STXBP4: variants seen among roughly 807,000 people sequenced by gnomAD.
STXBP4 encodes syntaxin-binding protein 4.
STXBP4 carries 55 observed loss-of-function variants against 76.1 expected under a neutral mutation model. The observed-to-expected ratio is 0.72, with a 90% CI of 0.58 to 0.91. The LOEUF is 0.91. Among genes scored for constraint, STXBP4 ranks in the 40% least tolerant of loss-of-function variants. The pLI, the probability that STXBP4 is intolerant of heterozygous loss-of-function variation, is 0.00. For synonymous variants in STXBP4, 201 were observed against 220.2 expected, an observed-to-expected ratio of 0.91 and a Z score of 0.77; for missense variants, 618 against 636.9, an observed-to-expected ratio of 0.97 and a Z score of 0.32.
intron 1 of STXBP4, among the ~76,000 whole-genome samples, chr17:54,978,056 C>T (rs1239556628): frequency 2.0e-5 from 3 of 152,110 alleles, no homozygotes; most frequent in Non-Finnish European, 4.4e-5. Context: ...TGCAGCCTAC[C>T]CCATCCCATT....
chr17:54,997,569 AT>A (rs1201230286), intron 4 of STXBP4, among the ~76,000 whole-genome samples: 1 of 145,854 alleles, frequency 6.9e-6, no homozygotes, highest in African/African-American at 2.5e-5. Flanking sequence ...TATATATTAT[AT>A]AATATAAATA....
the STXBP4 span, among the ~76,000 whole-genome samples, chr17:55,193,094 A>G: frequency 6.6e-6 from 1 of 152,134 alleles, no homozygotes; most frequent in Non-Finnish European, 1.5e-5. Context: ...AAGCTACATA[A>G]AGGACTGGTG....
chr17:55,185,402 G>T, the STXBP4 span, among the ~76,000 whole-genome samples: 2 of 148,074 alleles, frequency 1.4e-5, no homozygotes, highest in African/African-American at 5.0e-5. Context: ...GTATTACAAA[G>T]CCATGGGGCA....
At chr17:55,053,342 T>C (rs930043208) in intron 12 of STXBP4, among the ~76,000 whole-genome samples, 1 of 152,128 alleles carries the variant, frequency 6.6e-6, no homozygotes, top group African/African-American at 2.4e-5. Context: ...AAAAAGTGCA[T>C]GTATATTTAT....
chr17:55,017,131 C>G (rs2078222332), intron 8 of STXBP4, among the ~76,000 whole-genome samples: 1 of 152,064 alleles, frequency 6.6e-6, no homozygotes. Flanking sequence ...TTAAATTTAC[C>G]CTGGCTTTTA....
intron 16 of STXBP4, among the ~76,000 whole-genome samples, chr17:55,123,663 G>A (rs1216051570): frequency 2.0e-5 from 3 of 152,174 alleles, no homozygotes; most frequent in Non-Finnish European, 4.4e-5. Context: ...CACTTTGGGA[G>A]GCTGAGGCGG....
intron 12 of STXBP4, among the ~76,000 whole-genome samples, chr17:55,064,418 A>G (rs999528594): frequency 6.6e-6 from 1 of 152,036 alleles, no homozygotes; most frequent in Non-Finnish European, 1.5e-5. Flanking sequence ...TACTGTAATT[A>G]TAAGATCTCT....
rs566047045 is a variant in STXBP4 at position 55,146,072 on chromosome 17, A to G, written c.1547+4705A>G. ...TTGGTATGATTCCACTTAAAAGTTC[A>G]CATGCTTTATACATATGTTATATAA... On this transcript the variant is annotated intron_variant, in intron 17 of 17. Transcript: ENST00000376352. 7.9e-5 allele frequency among the ~76,000 whole-genome samples: 12 copies of G among 152,270 alleles called. No individual in the cohort carries two copies. In the East Asian group the frequency reaches 1.3e-3, roughly 17 times the overall value.
At chr17:55,046,265 C>T (rs1267163673) in intron 11 of STXBP4, among the ~76,000 whole-genome samples, 1 of 151,952 alleles carries the variant, frequency 6.6e-6, no homozygotes, top group African/African-American at 2.4e-5. Context: ...GTGGCATAGT[C>T]ATTAGATTGC....
chr17:55,151,948 G>GATATCCAAGTAACTC (rs2080221826), intron 17 of STXBP4, among the ~76,000 whole-genome samples: 1 of 152,148 alleles, frequency 6.6e-6, no homozygotes, highest in South Asian at 2.1e-4. Context: ...AAGTTACTTG[G>GATATCCAAGTAACTC]ATATGAGAAT....
At chr17:55,068,667 G>C (rs1305098755) in intron 12 of STXBP4, among the ~76,000 whole-genome samples, 1 of 152,028 alleles carries the variant, frequency 6.6e-6, no homozygotes. Context: ...TTCAAGGTAA[G>C]AAAGAGGAAA....
intron 7 of STXBP4, among the ~76,000 whole-genome samples, chr17:55,002,686 G>T (rs908393236): frequency 6.6e-6 from 1 of 152,104 alleles, no homozygotes; most frequent in African/African-American, 2.4e-5. Context: ...CTATGAGTAT[G>T]GTATAAGGAA....
chr17:54,995,420 A>T (rs1055920823), intron 4 of STXBP4, among the ~76,000 whole-genome samples: 1 of 152,220 alleles, frequency 6.6e-6, no homozygotes, highest in African/African-American at 2.4e-5. Context: ...AGTATATTTC[A>T]TATTTTCTTC....
At chr17:55,150,006 A>G (rs982196068) in intron 17 of STXBP4, among the ~76,000 whole-genome samples, 9 of 152,216 alleles carry the variant, frequency 5.9e-5, no homozygotes, top group Admixed American at 2.6e-4. Context: ...ATATTAAAAT[A>G]AATTATTTGG....
chr17:54,970,127 T>C (rs1032461423), intron 1 of STXBP4, among the ~76,000 whole-genome samples: 4 of 152,116 alleles, frequency 2.6e-5, no homozygotes, highest in Non-Finnish European at 5.9e-5. Context: ...GGCCACTGTG[T>C]TCCCAACATA....
intron 16 of STXBP4, among the ~76,000 whole-genome samples, chr17:55,133,802 A>C (rs2079997846): frequency 6.6e-6 from 1 of 152,212 alleles, no homozygotes; most frequent in African/African-American, 2.4e-5. Context: ...ATAAAGTGAC[A>C]AGAGCTGTTT....
At chr17:55,128,463 C>A (rs1384743475) in intron 16 of STXBP4, among the ~76,000 whole-genome samples, 1 of 152,168 alleles carries the variant, frequency 6.6e-6, no homozygotes. Flanking sequence ...GTCTACCACC[C>A]CCAAACCCAC....
intron 3 of STXBP4, 24 bp from the exon 4 acceptor site, chr17:54,990,801 G>A (rs2077703039): frequency 3.8e-6 from 6 of 1,580,746 alleles, no homozygotes; most frequent in Admixed American, 1.9e-5. Context: ...ACTAACCTGT[G>A]TGTGCTAATT....
At chr17:55,147,822 GA>G (rs2080174080) in intron 17 of STXBP4, among the ~76,000 whole-genome samples, 1 of 152,192 alleles carries the variant, frequency 6.6e-6, no homozygotes, top group Non-Finnish European at 1.5e-5. Flanking sequence ...ATTATTTTGA[GA>G]AGAATTCTGA....
Sources: gnomAD v4.1 joint callset for allele counts (sites outside exome capture counted in the v4.1 genomes callset) on GRCh38, gnomAD v4.1.1 for gene constraint, MANE v1.5 for transcripts, NCBI Gene and HGNC (gene_info 2026-07-23, HGNC 2026-07-21) for gene names.